SLC28A3: variants seen among roughly 807,000 people sequenced by gnomAD.
The protein encoded by SLC28A3 is solute carrier family 28 member 3, also known as concentrative Na(+)-nucleoside cotransporter 3.
A neutral mutation model predicts 84.2 loss-of-function variants in SLC28A3; 68 were observed. That is an observed-to-expected ratio of 0.81 (90% CI 0.66 to 0.99). The LOEUF is 0.99. Ranked by LOEUF, SLC28A3 falls within the 50% of genes least tolerant of loss-of-function variation. The pLI, the probability that SLC28A3 is intolerant of heterozygous loss-of-function variation, is 0.00. For missense variants in SLC28A3, 712 were observed against 841.5 expected, an observed-to-expected ratio of 0.85 and a Z score of 1.90; for synonymous variants, 267 against 303.6, an observed-to-expected ratio of 0.88 and a Z score of 1.25.
intron 4 of SLC28A3, among the ~76,000 whole-genome samples, chr9:84,303,636 G>A (rs1317179944): frequency 1.3e-5 from 2 of 152,032 alleles, no homozygotes; most frequent in Non-Finnish European, 2.9e-5. Context: ...GAATTTTGAC[G>A]TGACAGCTCA....
intron 2 of SLC28A3, chr9:84,310,402 G>T (rs1825949860): frequency 2.0e-6 from 2 of 985,318 alleles, no homozygotes; most frequent in South Asian, 9.4e-5. Flanking sequence ...GATGGCAGAG[G>T]ATTTCCTACC....
chr9:84,291,223 C>T (rs1482149207), intron 10 of SLC28A3, among the ~76,000 whole-genome samples: 1 of 152,118 alleles, frequency 6.6e-6, no homozygotes, highest in African/African-American at 2.4e-5. Context: ...AAGATGGTGC[C>T]CTAATTAGTC....
chr9:84,350,113 T>A, the SLC28A3 span, among the ~76,000 whole-genome samples: 5 of 152,346 alleles, frequency 3.3e-5, no homozygotes, highest in African/African-American at 9.6e-5. Flanking sequence ...TATTTGTGCA[T>A]TTAAATATAT....
intron 1 of SLC28A3, among the ~76,000 whole-genome samples, chr9:84,324,070 C>A (rs1826468385): frequency 6.6e-6 from 1 of 152,210 alleles, no homozygotes; most frequent in East Asian, 1.9e-4. Flanking sequence ...TGTGGGCCAA[C>A]AGGAAGCCTA....
intron 1 of SLC28A3, among the ~76,000 whole-genome samples, chr9:84,318,279 C>A (rs1826240856): frequency 6.6e-6 from 1 of 152,126 alleles, no homozygotes; most frequent in African/African-American, 2.4e-5. Context: ...ACCCAGTGGG[C>A]AGCCTGGGGC....
chr9:84,281,445 A>G (rs12683363), intron 14 of SLC28A3, among the ~76,000 whole-genome samples: 20,419 of 152,202 alleles, frequency 0.13, 1,930 homozygotes, highest in East Asian at 0.41. Context: ...TAAAGCCACA[A>G]TGAGATACTA....
chr9:84,361,142 G>C, the SLC28A3 span, among the ~76,000 whole-genome samples: 1 of 152,056 alleles, frequency 6.6e-6, no homozygotes, highest in African/African-American at 2.4e-5. Flanking sequence ...TCAGGAGATA[G>C]AGACCATCCT....
chr9:84,327,360 C>T (rs527929613), intron 1 of SLC28A3, among the ~76,000 whole-genome samples: 18 of 75,240 alleles, frequency 2.4e-4, no homozygotes, highest in African/African-American at 5.2e-4. Flanking sequence ...TTCAGAACAC[C>T]GAAAAAAAAA....
chr9:84,290,061 G>T (rs1825150029), intron 11 of SLC28A3, 93 bp downstream of exon 11: 1 of 1,518,774 alleles, frequency 6.6e-7, no homozygotes, highest in African/African-American at 1.4e-5. Context: ...CACTCTCTTG[G>T]CCTCCTTTTT....
At position 84,294,211 on chromosome 9, in the gene SLC28A3, T is replaced by G. The variant is rs765290341; in HGVS notation, c.926A>C (p.Gln309Pro). ...CCCCAGTACCTTTCTAATAATCCAC[T>G]GCATCAGTCCCAGGTAGTACAGCAT... ...MSMLYYLGLM[Q>P]WIIRKVGWIM... The change falls in exon 9 of 18, where the codon CAG becomes CCG. Residue 309 changes from glutamine (Q) to proline (P), a missense_variant. Transcript: ENST00000376238. 4 of 1,613,998 alleles carry G rather than the reference T, an allele frequency of 2.5e-6. No homozygotes were observed. Among genetic ancestry groups the G allele is most frequent in the Non-Finnish European group, 3.4e-6 (4 of 1,179,924 alleles).
chr9:84,318,595 G>A (rs866861450), intron 1 of SLC28A3, among the ~76,000 whole-genome samples: 17 of 152,168 alleles, frequency 1.1e-4, no homozygotes, highest in Admixed American at 2.0e-4. Context: ...CAGGCCGGGC[G>A]TGGTGACTCA....
In SLC28A3 at chr9:84,288,254, CGCAAGGGAAGAAACAGG is replaced by C; in HGVS notation, c.1150-93_1150-77del. 1.3e-6 allele frequency: 2 copies of C among 1,592,978 alleles called. 1 individual carries two copies. Among genetic ancestry groups the C allele is most frequent in the South Asian group, 2.2e-5 (2 of 89,644 alleles). The stretch of plus-strand genomic sequence containing the variant: ...GTTCAGAGGAAGGGTCCAAGAGCTC[CGCAAGGGAAGAAACAGG>C]GCAGGGGTTGTTTCTATTCCAGAAG... On this transcript the variant is annotated intron_variant, in intron 11 of 17. Transcript: ENST00000376238.
At chr9:84,329,910 T>G (rs1240595643) in intron 1 of SLC28A3, among the ~76,000 whole-genome samples, 19 of 151,340 alleles carry the variant, frequency 1.3e-4, no homozygotes, top group Non-Finnish European at 1.5e-4. Context: ...ATACGAAAAT[T>G]TATGAATATC....
chr9:84,332,698 A>G (rs1588624135), intron 1 of SLC28A3, among the ~76,000 whole-genome samples: 1 of 152,134 alleles, frequency 6.6e-6, no homozygotes, highest in East Asian at 1.9e-4. Context: ...TAATAAAAAC[A>G]ATTTTATCTT....
chr9:84,324,104 T>C (rs1826469242), intron 1 of SLC28A3, among the ~76,000 whole-genome samples: 2 of 152,184 alleles, frequency 1.3e-5, no homozygotes, highest in African/African-American at 4.8e-5. Context: ...CCTAAACATG[T>C]CACTGTGGGC....
In SLC28A3 at chr9:84,282,961, T is replaced by C. The variant is rs1824816844; in HGVS notation, c.1648-2079A>G. The stretch of plus-strand genomic sequence containing the variant: ...GCTGACAGGAAAAAAATATTTCAAG[T>C]AGGTATGCAGTCTACCCTTCCTGGA... On this transcript the variant is annotated intron_variant, in intron 14 of 17. Transcript: ENST00000376238. Among the ~76,000 whole-genome samples, 5 of 152,210 alleles carry C rather than the reference T, an allele frequency of 3.3e-5. No individual in the cohort carries two copies. In the South Asian group the frequency reaches 1.0e-3, roughly 32 times the overall value.
At chr9:84,339,399 A>C (rs1157498953) in intron 1 of SLC28A3, among the ~76,000 whole-genome samples, 3 of 151,850 alleles carry the variant, frequency 2.0e-5, no homozygotes, top group Non-Finnish European at 4.4e-5. Context: ...ACAGGCATGT[A>C]CCACCATGCC....
chr9:84,297,371 A>T (rs1369486887), intron 7 of SLC28A3, 73 bp from the exon 8 acceptor site: 3 of 1,202,374 alleles, frequency 2.5e-6, no homozygotes, highest in African/African-American at 3.0e-5. Flanking sequence ...CAGGAATGCT[A>T]GGCTCTCAGA....
At chr9:84,364,120 CTTTTTTTTTTTTT>C in the SLC28A3 span, among the ~76,000 whole-genome samples, 1 of 85,294 alleles carries the variant, frequency 1.2e-5, no homozygotes, top group South Asian at 4.0e-4. Context: ...CAGTTACACT[CTTTTTTTTTTTTT>C]TTTTTTTTTG....
Sources: allele counts gnomAD v4.1 joint callset (sites outside exome capture counted in the v4.1 genomes callset), GRCh38; gene constraint gnomAD v4.1.1; transcripts MANE v1.5; gene names NCBI Gene and HGNC (gene_info 2026-07-23, HGNC 2026-07-21).